RPS6KA2: variants seen among roughly 807,000 people sequenced by gnomAD.
RPS6KA2 encodes the protein ribosomal protein S6 kinase alpha-2.
RPS6KA2 carries 42 observed loss-of-function variants against 91.8 expected under a neutral mutation model. The ratio of observed to expected loss-of-function variants is 0.46; its 90% CI spans 0.36 to 0.59. The LOEUF (loss-of-function observed/expected upper bound fraction) is 0.59. Ranked by LOEUF, RPS6KA2 falls within the 20% of genes least tolerant of loss-of-function variation. The pLI is 0.00. For missense variants in RPS6KA2, 798 were observed against 978.5 expected (o/e 0.82, Z 2.46); for synonymous variants, 414 against 393.6 (o/e 1.05, Z -0.61).
rs115751674 is a variant in RPS6KA2 at position 166,676,013 on chromosome 6, C to T, written c.124-137229G>A. On this transcript the variant is annotated intron_variant, in intron 2 of 21. Coordinates refer to the RPS6KA2 transcript ENST00000503859. The stretch of plus-strand genomic sequence containing the variant: ...CTTCGCCGTAAGGGATTCACTGGCT[C>T]GCCAATGAAAAGTCCTGGGAGGCCG... 5.7e-3 allele frequency among the ~76,000 whole-genome samples: 865 copies of T among 152,218 alleles called. 9 individuals carry two copies. The highest frequency in any genetic ancestry group is 0.02 in the African/African-American group (817 of 41,542).
rs1159110478 is a variant in RPS6KA2, at chr6:166,753,988, G to A, written c.123+104212C>T. Among the ~76,000 whole-genome samples, 6 of 152,162 alleles carry A rather than the reference G, an allele frequency of 3.9e-5. No individual in the cohort carries two copies. In the East Asian group the frequency reaches 1.2e-3, roughly 29 times the overall value. On this transcript the variant is annotated intron_variant, in intron 2 of 21. Transcript: ENST00000503859. The stretch of plus-strand genomic sequence containing the variant: ...GCCATGCTTGAACTTGATCTGTAAT[G>A]CTCTCCTGTGCCGTCCGTCTTCCCG...
intron 1 of RPS6KA2, among the ~76,000 whole-genome samples, chr6:166,577,572 C>T (rs923832060): frequency 6.6e-6 from 1 of 152,166 alleles, no homozygotes; most frequent in Non-Finnish European, 1.5e-5. Flanking sequence ...GCCCTATAAC[C>T]CCTTTGTTTT....
chr6:166,441,378 A>G (rs1392654317), intron 14 of RPS6KA2, among the ~76,000 whole-genome samples: 2 of 152,112 alleles, frequency 1.3e-5, no homozygotes, highest in South Asian at 2.1e-4. Context: ...AAATTTTCAC[A>G]TGATTTCTAT....
At chr6:166,790,124 A>C (rs944438584) in intron 2 of RPS6KA2, among the ~76,000 whole-genome samples, 2 of 152,198 alleles carry the variant, frequency 1.3e-5, no homozygotes, top group African/African-American at 4.8e-5. Flanking sequence ...AAAAAAAATT[A>C]GACGAATGGA....
At chr6:166,485,017 C>G (rs557167880) in intron 10 of RPS6KA2, among the ~76,000 whole-genome samples, 3 of 152,334 alleles carry the variant, frequency 2.0e-5, no homozygotes, top group African/African-American at 4.8e-5. Context: ...ACCTGAGGCT[C>G]GAAGAACGAC....
At position 166,459,426 on chromosome 6, in the gene RPS6KA2, G is replaced by A. The variant is rs756419503; in HGVS notation, c.1075+23C>T. ...GGTCAGGTGGGAGAAGCCACCGATA[G>A]AGGGAACCACTGTGGCACACACCTG... On this transcript the variant is annotated intron_variant, in intron 12 of 20. Coordinates refer to ENST00000265678, the MANE Select transcript of RPS6KA2 (RefSeq NM_021135.6). This position sits in a 1 kb window ranked among gnomAD's most constrained non-coding sequence, Gnocchi z 4.9. 6 of 1,549,160 alleles carry A rather than the reference G, an allele frequency of 3.9e-6. No individual in the cohort carries two copies. Among genetic ancestry groups the A allele is most frequent in the Admixed American group, 3.4e-5 (2 of 59,612 alleles).
intron 2 of RPS6KA2, among the ~76,000 whole-genome samples, chr6:166,707,582 T>C (rs1789718065): frequency 6.6e-6 from 1 of 152,058 alleles, no homozygotes; most frequent in South Asian, 2.1e-4. Context: ...GAGTGCAGAA[T>C]CAAGGCCCAG....
rs1232221769 is a variant in RPS6KA2, at chr6:166,490,604, C to T, written c.818+67G>A. ...AATTAAAACTTCACAGTTCCAGGTT[C>T]AGAGGCAGCAGCTCTTGATATCAGA... is the stretch of plus-strand genomic sequence containing the variant. On this transcript the variant is annotated intron_variant, in intron 9 of 20. Coordinates refer to ENST00000265678, the MANE Select transcript of RPS6KA2 (RefSeq NM_021135.6). The surrounding 1 kb of genome is among the most constrained non-coding windows in gnomAD (Gnocchi z 4.2). 2 of 1,051,472 alleles carry T rather than the reference C, an allele frequency of 1.9e-6. No homozygotes were observed. Among genetic ancestry groups the T allele is most frequent in the Non-Finnish European group, 2.9e-6 (2 of 687,396 alleles). The allele number at this position is 1,051,472 out of a possible 1,614,324, so 65.1% of individuals were successfully genotyped here. A position where few individuals can be genotyped will look rare whatever the true frequency, so the allele number is the denominator to read the frequency against.
chr6:166,576,036 G>A (rs560285525), intron 1 of RPS6KA2, among the ~76,000 whole-genome samples: 27 of 152,138 alleles, frequency 1.8e-4, no homozygotes, highest in African/African-American at 2.2e-4. Context: ...TGCTATTCTC[G>A]TGATAGTGAG....
rs73788033 is a variant in RPS6KA2 at position 166,540,864 on chromosome 6, C to G, written c.100-2080G>C. Among the ~76,000 whole-genome samples, 540 of 152,188 alleles carry G rather than the reference C, an allele frequency of 3.5e-3. 5 individuals carry two copies. The highest frequency in any genetic ancestry group is 0.02 in the Middle Eastern group (6 of 294). ...CGGCTGCTGGAGGTGGCTTCCTGCACAAAAAACAAAGGCAGGAGCCCAAGT... is the reference window on the plus strand; with the variant it reads ...CGGCTGCTGGAGGTGGCTTCCTGCAGAAAAAACAAAGGCAGGAGCCCAAGT... On this transcript the variant is annotated intron_variant, in intron 1 of 20. Coordinates refer to ENST00000265678, the MANE Select transcript of RPS6KA2 (RefSeq NM_021135.6).
intron 2 of RPS6KA2, among the ~76,000 whole-genome samples, chr6:166,680,836 A>G (rs866898450): frequency 5.9e-5 from 9 of 152,170 alleles, no homozygotes; most frequent in Middle Eastern, 3.2e-3. Context: ...GAACCCACCA[A>G]TTCTGGACAC....
At chr6:166,585,112 G>A (rs1313288103) in intron 1 of RPS6KA2, among the ~76,000 whole-genome samples, 3 of 152,192 alleles carry the variant, frequency 2.0e-5, no homozygotes, top group Non-Finnish European at 4.4e-5. Context: ...CAGGAAGCTC[G>A]AGTTTCAAAA....
intron 2 of RPS6KA2, among the ~76,000 whole-genome samples, chr6:166,647,282 A>G (rs1194836257): frequency 1.3e-5 from 2 of 151,376 alleles, no homozygotes; most frequent in Non-Finnish European, 2.9e-5. Flanking sequence ...CCTTATCCAC[A>G]CTTTGCATCC....
intron 1 of RPS6KA2, among the ~76,000 whole-genome samples, chr6:166,561,507 T>C (rs1429735020): frequency 1.3e-5 from 2 of 151,850 alleles, no homozygotes; most frequent in African/African-American, 4.8e-5. Context: ...CCCCTCCCCA[T>C]TGCTGAGCCC....
chr6:166,748,542 ATCCCCTTG>A (rs1791102738), intron 2 of RPS6KA2, among the ~76,000 whole-genome samples: 9 of 43,736 alleles, frequency 2.1e-4, no homozygotes, highest in East Asian at 7.5e-4. Context: ...CGGGCCCCCC[ATCCCCTTG>A]GGCCCCCACC....
chr6:166,506,283 G>A (rs995924481), intron 5 of RPS6KA2, among the ~76,000 whole-genome samples: 5 of 152,312 alleles, frequency 3.3e-5, no homozygotes, highest in African/African-American at 7.2e-5. Flanking sequence ...GAAGGCCCTC[G>A]GGGGAGGCAC....
chr6:166,451,306 G>C (rs1362985052), intron 12 of RPS6KA2, 73 bp from the exon 13 acceptor site: 2 of 1,555,938 alleles, frequency 1.3e-6, no homozygotes, highest in Non-Finnish European at 1.8e-6. Context: ...TAGTGTGTGT[G>C]TGCATGTGGT....
chr6:166,850,553 C>T (rs1034466877), intron 2 of RPS6KA2, among the ~76,000 whole-genome samples: 2 of 152,130 alleles, frequency 1.3e-5, no homozygotes, highest in African/African-American at 4.8e-5. Flanking sequence ...TTGTCTTTCT[C>T]CAGTGTGAAG....
At chr6:166,478,197 G>A (rs370816493) in intron 10 of RPS6KA2, among the ~76,000 whole-genome samples, 2 of 152,154 alleles carry the variant, frequency 1.3e-5, no homozygotes, top group Non-Finnish European at 2.9e-5. Context: ...GTGGGGTCGC[G>A]GTGCCTGCCA....
Sources: gnomAD v4.1 joint callset for allele counts (sites outside exome capture counted in the v4.1 genomes callset) on GRCh38, gnomAD v4.1.1 for gene constraint, Gnocchi (gnomAD v3.1) non-coding constraint, MANE v1.5 for transcripts, NCBI Gene and HGNC (gene_info 2026-07-23, HGNC 2026-07-21) for gene names.